The following GATA2 variants were observed in gnomAD, a reference collection of about 807,000 sequenced individuals.
GATA2 encodes GATA binding protein 2.
Under a neutral mutation model 35.7 loss-of-function variants are expected in GATA2, and 6 were observed. The ratio of observed to expected loss-of-function variants is 0.17; its 90% CI spans 0.09 to 0.33. GATA2 has a LOEUF of 0.33. GATA2 is among the 10% of genes least tolerant of loss of function. The pLI, the probability that GATA2 is intolerant of heterozygous loss-of-function variation, is 1.00. For missense variants in GATA2, 541 were observed against 656.6 expected, an observed-to-expected ratio of 0.82 and a Z score of 1.92; for synonymous variants, 313 against 274.9, an observed-to-expected ratio of 1.14 and a Z score of -1.37.
chr3:128,481,988 A>C lies in GATA2; in HGVS notation c.1018-44T>G, dbSNP rs897566230. ...GTCAGCAGGCTGGACTCCCACGCCC[A>C]CCTCGACCCCCCTCCCTGACCCTCG... On this transcript the variant is annotated intron_variant, in intron 4 of 5. Transcript: ENST00000341105. 6.8e-6 allele frequency: 11 copies of C among 1,607,566 alleles called. No individual in the cohort carries two copies. The African/African-American group carries it at 1.3e-4, about 20-fold the overall frequency.
chr3:128,485,660 C>A, intron 3 of GATA2, 67 bp downstream of exon 3: 1 of 1,562,368 alleles, frequency 6.4e-7, no homozygotes, highest in South Asian at 1.2e-5. Context: ...TCTCCCAAGT[C>A]ACAGCTCCCC....
chr3:128,490,065 A>C (rs2068753132), intron 1 of GATA2: 1 of 152,234 alleles, frequency 6.6e-6, no homozygotes, highest in Non-Finnish European at 1.5e-5. Flanking sequence ...CCCTCGGGAA[A>C]GCAGGTAATT....
chr3:128,484,111 G>A, intron 3 of GATA2, 106 bp from the exon 4 acceptor site: 1 of 1,446,270 alleles, frequency 6.9e-7, no homozygotes. Context: ...GTGCCTCTCA[G>A]GCACACGGTT....
In GATA2 at chr3:128,488,158, C is replaced by T. The variant is rs1160399146; in HGVS notation, c.-45-1082G>A. Among the ~76,000 whole-genome samples the T allele has an allele frequency of 2.6e-5, 4 of 152,124 alleles. No homozygotes were observed. The highest frequency in any genetic ancestry group is 4.4e-5 in the Non-Finnish European group (3 of 68,004). On this transcript the variant is annotated intron_variant, in intron 1 of 5. Coordinates refer to ENST00000341105, the MANE Select transcript of GATA2 (RefSeq NM_032638.5). The surrounding 1 kb of genome is among the most constrained non-coding windows in gnomAD (Gnocchi z 5.8). ...ACTAAGGGACCCTCACCCCAAGGCC[C>T]GACCCCTGCAGCCCCTCTTGCGAAC... is the stretch of plus-strand genomic sequence containing the variant.
intron 4 of GATA2, among the ~76,000 whole-genome samples, 192 bp downstream of exon 4, chr3:128,483,668 C>T (rs1047381721): frequency 6.6e-6 from 1 of 152,134 alleles, no homozygotes; most frequent in East Asian, 1.9e-4. Context: ...TCCCTATACC[C>T]GAGGAGGAAA....
rs1373180685 is a variant in GATA2, at chr3:128,486,045, G to T, written c.553C>A (p.Pro185Thr). ...PTPPKEVSPD[P>T]STTGAASPAS... ...GGAGACGCAGCCCCCGTGGTGCTAG[G>T]GTCAGGAGACACTTCTTTGGGTGGC... is the stretch of plus-strand genomic sequence containing the variant. Residue 185 changes from proline (P) to threonine (T), a missense_variant, in exon 3 of 6, where the codon CCT (proline) becomes ACT (threonine). Coordinates refer to ENST00000341105, the MANE Select transcript of GATA2 (RefSeq NM_032638.5). 1 of 1,614,150 alleles carries T rather than the reference G, an allele frequency of 6.2e-7. No individual in the cohort carries two copies. Among genetic ancestry groups the T allele is most frequent in the Non-Finnish European group, 8.5e-7 (1 of 1,180,014 alleles).
At position 128,486,374 on chromosome 3, in the gene GATA2, G is replaced by A. The variant is rs2107673017; in HGVS notation, c.230-6C>T. ...CTGGCCTCCGGTCAGGCGGGCTGCG[G>A]GCAAAGAGAGAGAGGATCAGGGTGG... On this transcript the variant is annotated splice_region_variant and splice_polypyrimidine_tract_variant and intron_variant, in intron 2 of 5. Coordinates refer to ENST00000341105, the MANE Select transcript of GATA2 (RefSeq NM_032638.5). 3 of 1,597,306 alleles carry A rather than the reference G, an allele frequency of 1.9e-6. No homozygotes were observed. The highest frequency in any genetic ancestry group is 2.5e-6 in the Non-Finnish European group (3 of 1,177,518).
intron 4 of GATA2, among the ~76,000 whole-genome samples, chr3:128,483,056 T>C (rs552398595): frequency 2.6e-5 from 4 of 152,038 alleles, no homozygotes; most frequent in Non-Finnish European, 5.9e-5. Flanking sequence ...CAACGCCGCG[T>C]CCTCCACCTC....
At chr3:128,484,052 T>C (rs1315913002) in intron 3 of GATA2, 47 bp from the exon 4 acceptor site, 2 of 1,601,190 alleles carry the variant, frequency 1.2e-6, no homozygotes, top group South Asian at 1.1e-5. Context: ...AACCGGCAAG[T>C]TCTCGGGAGG....
chr3:128,485,571 G>T lies in GATA2; in HGVS notation c.871+156C>A, dbSNP rs186696895. Among the ~76,000 whole-genome samples the T allele has an allele frequency of 1.3e-4, 20 of 152,210 alleles. No individual in the cohort carries two copies. In the East Asian group the frequency reaches 3.9e-3, roughly 29 times the overall value. On this transcript the variant is annotated intron_variant, in intron 3 of 5. Coordinates refer to ENST00000341105, the MANE Select transcript of GATA2 (RefSeq NM_032638.5). ...TTTTAGAGTCTCCTCTCCCTGACCCGGGGGTCTCAAACATCTGCTGGGGGC... is the reference window on the plus strand; with the variant it reads ...TTTTAGAGTCTCCTCTCCCTGACCCTGGGGTCTCAAACATCTGCTGGGGGC...
rs1033366779 is a variant in GATA2, at chr3:128,481,082, G to A, written c.1380C>T (p.His460=). 3.1e-6 allele frequency: 5 copies of A among 1,608,532 alleles called. No individual in the cohort carries two copies. The highest frequency in any genetic ancestry group is 1.7e-5 in the Admixed American group (1 of 59,904). ...GGCCGAAGGAGAGGCTGGAGGAGGG[G>A]TGGATGGGCGTCGGAGTGGGCAGGA... ...GHILPTPTPI[H]PSSSLSFGHP... Residue 460 remains histidine, a synonymous_variant, in exon 6 of 6, where the codon CAC becomes CAT. Coordinates refer to ENST00000341105, the MANE Select transcript of GATA2 (RefSeq NM_032638.5).
chr3:128,480,550 C>T lies in GATA2; in HGVS notation c.*469G>A. Reference sequence around the variant, plus strand: ...AGGGAAGCCAGAGGAGAAGAGGGTGCAGGCTGAGGTCCCCACAAATCTGCC... The same window carrying T: ...AGGGAAGCCAGAGGAGAAGAGGGTGTAGGCTGAGGTCCCCACAAATCTGCC... On this transcript the variant is annotated 3_prime_UTR_variant, in exon 6 of 6. Coordinates refer to ENST00000341105, the MANE Select transcript of GATA2 (RefSeq NM_032638.5). 3.9e-6 allele frequency: 1 copy of T among 255,932 alleles called. No individual in the cohort carries two copies. The highest frequency in any genetic ancestry group is 7.5e-6 in the Non-Finnish European group (1 of 133,242). The allele number at this position is 255,932 out of a possible 1,614,324, so 15.9% of individuals were successfully genotyped here.
chr3:128,484,083 G>A (rs1020308156), intron 3 of GATA2, 78 bp from the exon 4 acceptor site: 3 of 1,561,040 alleles, frequency 1.9e-6, no homozygotes, highest in African/African-American at 1.3e-5. Flanking sequence ...CAGGAAAGCA[G>A]CCAGCCGAGC....
Position 128,480,471 on chromosome 3 carries a change from C to T in GATA2, c.*548G>A. ...CAGGCACCAGCTCACCCTCCCTGGG[C>T]CGTGGCCACTCTGGCTTTGGCTCAG... On this transcript the variant is annotated 3_prime_UTR_variant, in exon 6 of 6. Transcript: ENST00000341105. 1 of 239,058 alleles carries T rather than the reference C, an allele frequency of 4.2e-6. No homozygotes were observed. Among genetic ancestry groups the T allele is most frequent in the Non-Finnish European group, 8.2e-6 (1 of 121,970 alleles). 14.8% of individuals were successfully genotyped at this position (239,058 alleles called of 1,614,324 possible). A position where few individuals can be genotyped will look rare whatever the true frequency, so the allele number is the denominator to read the frequency against.
At position 128,484,021 on chromosome 3, in the gene GATA2, G is replaced by C. The variant is rs1476730737; in HGVS notation, c.872-16C>G. ...TCCCGGCCTTCTGCAGGGGAACAGG[G>C]AGAGACACGGGGGCCTGCTTAACCG... On this transcript the variant is annotated splice_polypyrimidine_tract_variant and intron_variant, in intron 3 of 5. Coordinates refer to ENST00000341105, the MANE Select transcript of GATA2 (RefSeq NM_032638.5). 1 of 1,610,982 alleles carries C rather than the reference G, an allele frequency of 6.2e-7. No homozygotes were observed. The highest frequency in any genetic ancestry group is 2.2e-5 in the East Asian group (1 of 44,858).
At position 128,485,797 on chromosome 3, in the gene GATA2, G is replaced by C; in HGVS notation, c.801C>G (p.Pro267=). 1 of 1,614,022 alleles carries C rather than the reference G, an allele frequency of 6.2e-7. No homozygotes were observed. Among genetic ancestry groups the C allele is most frequent in the Non-Finnish European group, 8.5e-7 (1 of 1,179,958 alleles). ...AGGCCGGTCCCCCCAGGAAGCCTCCGGGGTGGAAGAGTCCGCTGCTGTAGT... is the reference window on the plus strand; with the variant it reads ...AGGCCGGTCCCCCCAGGAAGCCTCCCGGGTGGAAGAGTCCGCTGCTGTAGT... ...AHDYSSGLFH[P]GGFLGGPASS... The change falls in exon 3 of 6, where the codon CCC becomes CCG. Residue 267 remains proline, a synonymous_variant. Transcript: ENST00000341105.
Position 128,488,373 on chromosome 3 carries a change from C to G in GATA2, c.-45-1297G>C, listed in dbSNP as rs1003957263. 6.6e-6 allele frequency: 1 copy of G among 152,364 alleles called. No individual in the cohort carries two copies. Among genetic ancestry groups the G allele is most frequent in the African/African-American group, 2.4e-5 (1 of 41,444 alleles). The allele number at this position is 152,364 out of a possible 1,614,324, so 9.4% of individuals were successfully genotyped here. On this transcript the variant is annotated intron_variant, in intron 1 of 5. Transcript: ENST00000341105. The surrounding 1 kb of genome is among the most constrained non-coding windows in gnomAD (Gnocchi z 5.8). ...CTACCCAGACCGTTCCCTCCCCTAG[C>G]TCGGGCGCTGTCTGGGTGGACTGGG...
At position 128,480,431 on chromosome 3, in the gene GATA2, C is replaced by G. The variant is rs938255173; in HGVS notation, c.*588G>C. 3 of 235,976 alleles carry G rather than the reference C, an allele frequency of 1.3e-5. No homozygotes were observed. The highest frequency in any genetic ancestry group is 4.4e-5 in the African/African-American group (2 of 45,404). 14.6% of individuals were successfully genotyped at this position (235,976 alleles called of 1,614,324 possible). On this transcript the variant is annotated 3_prime_UTR_variant, in exon 6 of 6. Coordinates refer to ENST00000341105, the MANE Select transcript of GATA2 (RefSeq NM_032638.5). ...CCGTGATTGTCTCTGCCCTCCAGGG[C>G]CTGGCCCGTCAAAGCAGGCACCAGC...
chr3:128,480,801 A>G lies in GATA2; in HGVS notation c.*218T>C. The G allele has an allele frequency of 1.8e-6, 1 of 555,344 alleles. No homozygotes were observed. The highest frequency in any genetic ancestry group is 3.1e-6 in the Non-Finnish European group (1 of 318,272). 34.4% of individuals were successfully genotyped at this position (555,344 alleles called of 1,614,324 possible). ...TTCTCCAAACAACTGTCCATGCAGG[A>G]AACCCCACCTGGGCAGCGGTCAGGT... On this transcript the variant is annotated 3_prime_UTR_variant, in exon 6 of 6. Transcript: ENST00000341105.
Sources: gnomAD v4.1 joint callset for allele counts (sites outside exome capture counted in the v4.1 genomes callset) on GRCh38, gnomAD v4.1.1 for gene constraint, Gnocchi (gnomAD v3.1) non-coding constraint, MANE v1.5 for transcripts, NCBI Gene and HGNC (gene_info 2026-07-23, HGNC 2026-07-21) for gene names.